The following IFT57 variants were observed in gnomAD, a reference collection of about 807,000 sequenced individuals.
IFT57 encodes intraflagellar transport 57, also known as intraflagellar transport protein 57 homolog.
IFT57 carries 59 observed loss-of-function variants against 56.8 expected under a neutral mutation model. That is an observed-to-expected ratio of 1.04 (90% CI 0.84 to 1.29). The LOEUF is 1.29. IFT57 is among the 50% of genes most tolerant of loss of function. The pLI is 0.00. For missense variants in IFT57, 470 were observed against 522.1 expected (o/e 0.90, Z 0.97); for synonymous variants, 209 against 186.1 (o/e 1.12, Z -1.00).
At chr3:108,165,377 A>G (rs550981519) in intron 9 of IFT57, 54 bp downstream of exon 9, 5 of 1,452,062 alleles carry the variant, frequency 3.4e-6, no homozygotes, top group Admixed American at 1.7e-5. Flanking sequence ...TAGGTTCTCA[A>G]TGGCTGGGGC....
chr3:108,213,572 G>A (rs1025979875), intron 4 of IFT57, among the ~76,000 whole-genome samples: 6 of 152,122 alleles, frequency 3.9e-5, no homozygotes, highest in Non-Finnish European at 7.4e-5. Context: ...AATGGTATGC[G>A]TATAAAGCAG....
rs142462056 is a variant in IFT57, at chr3:108,171,657, T to C, written c.778-3793A>G. Among the ~76,000 whole-genome samples the C allele has an allele frequency of 4.6e-3, 706 of 151,832 alleles. 3 individuals are homozygous for C. The highest frequency in any genetic ancestry group is 0.016 in the African/African-American group (669 of 41,434). ...CCAAGTCAGCTAATCAACACTGGAATAGAGAGGAGGGACAACTGGCTGGCC... is the reference window on the plus strand; with the variant it reads ...CCAAGTCAGCTAATCAACACTGGAACAGAGAGGAGGGACAACTGGCTGGCC... On this transcript the variant is annotated intron_variant, in intron 6 of 10. Transcript: ENST00000264538.
chr3:108,217,180 AC>A (rs2080377725), intron 3 of IFT57, among the ~76,000 whole-genome samples: 1 of 152,184 alleles, frequency 6.6e-6, no homozygotes, highest in Non-Finnish European at 1.5e-5. Flanking sequence ...TATATTGTAC[AC>A]ATGTATCGAA....
chr3:108,162,208 C>T lies in IFT57; in HGVS notation c.*269G>A. 3.4e-6 allele frequency: 1 copy of T among 291,644 alleles called. No individual in the cohort carries two copies. Among genetic ancestry groups the T allele is most frequent in the Non-Finnish European group, 6.5e-6 (1 of 154,842 alleles). The allele number at this position is 291,644 out of a possible 1,614,324, so 18.1% of individuals were successfully genotyped here. A position where few individuals can be genotyped will look rare whatever the true frequency, so the allele number is the denominator to read the frequency against. On this transcript the variant is annotated 3_prime_UTR_variant, in exon 11 of 11. Transcript: ENST00000264538. ...TATACCTTGGCTTACACAAGGAATG[C>T]TATGAAAAATGAGCCACCAGGTGGG...
At chr3:108,218,845 C>T (rs1390924450) in intron 2 of IFT57, among the ~76,000 whole-genome samples, 192 bp from the exon 3 acceptor site, 5 of 152,084 alleles carry the variant, frequency 3.3e-5, no homozygotes, top group Non-Finnish European at 7.4e-5. Flanking sequence ...TACTCAAAGA[C>T]TTTTATTGTT....
chr3:108,216,870 C>T (rs944126395), intron 3 of IFT57, among the ~76,000 whole-genome samples: 5 of 151,904 alleles, frequency 3.3e-5, no homozygotes, highest in African/African-American at 9.7e-5. Flanking sequence ...AAGCCAGGCA[C>T]AGAAAGACAA....
intron 5 of IFT57, among the ~76,000 whole-genome samples, chr3:108,199,331 T>C (rs1257765826): frequency 6.6e-6 from 1 of 152,206 alleles, no homozygotes; most frequent in African/African-American, 2.4e-5. Flanking sequence ...CAAGTATGTT[T>C]TAATGCAATA....
intron 4 of IFT57, among the ~76,000 whole-genome samples, chr3:108,212,097 C>A (rs1212881362): frequency 6.6e-6 from 1 of 152,174 alleles, no homozygotes; most frequent in East Asian, 1.9e-4. Flanking sequence ...ATCTTCCCAC[C>A]TCAGCCTCCT....
intron 5 of IFT57, among the ~76,000 whole-genome samples, chr3:108,204,254 G>A (rs2080297080): frequency 6.6e-6 from 1 of 151,990 alleles, no homozygotes. Context: ...ACAAACACCT[G>A]GTGTTCACTC....
chr3:108,169,330 G>C (rs1293758099), intron 6 of IFT57, among the ~76,000 whole-genome samples: 1 of 151,620 alleles, frequency 6.6e-6, no homozygotes, highest in African/African-American at 2.4e-5. Context: ...CCCACTTTTT[G>C]ATGGGTTTTT....
Position 108,181,117 on chromosome 3 carries a change from G to A in IFT57, c.777+10404C>T, listed in dbSNP as rs9828693. 4.7e-3 allele frequency among the ~76,000 whole-genome samples: 707 copies of A among 151,996 alleles called. 3 individuals carry two copies. Among genetic ancestry groups the A allele is most frequent in the African/African-American group, 0.016 (669 of 41,500 alleles). On this transcript the variant is annotated intron_variant, in intron 6 of 10. Transcript: ENST00000264538. ...TCTCTTATTTCAACTTGTGATAAAC[G>A]GAACCTTTCTCTGATCCAGTTGAAA...
chr3:108,211,629 CT>C (rs1441302666), intron 4 of IFT57, among the ~76,000 whole-genome samples: 3 of 152,234 alleles, frequency 2.0e-5, no homozygotes, highest in Non-Finnish European at 4.4e-5. Flanking sequence ...ATGAATATAT[CT>C]TTGTCTTGAC....
chr3:108,206,637 T>C lies in IFT57; in HGVS notation c.645A>G (p.Thr215=), dbSNP rs764840317. Residue 215 remains threonine, a synonymous_variant, in exon 5 of 11, where the codon ACA becomes ACG. Transcript: ENST00000264538. ...ATCTGATGAAACTTACCAAGTGATA[T>C]GTCTGGGCCTTTAAAACGTTGAGAT... ...FIDLNVLKAQ[T]YHLDMNETAK... is the part of the protein sequence containing the mutation. 15 of 1,368,120 alleles carry C rather than the reference T, an allele frequency of 1.1e-5. No homozygotes were observed. Among genetic ancestry groups the C allele is most frequent in the African/African-American group, 1.5e-5 (1 of 68,406 alleles). The allele number at this position is 1,368,120 out of a possible 1,614,324, so 84.7% of individuals were successfully genotyped here. A position where few individuals can be genotyped will look rare whatever the true frequency, so the allele number is the denominator to read the frequency against.
chr3:108,222,027 C>T, intron 1 of IFT57, 84 bp downstream of exon 1: 1 of 1,530,846 alleles, frequency 6.5e-7, no homozygotes, highest in Admixed American at 2.1e-5. Context: ...CCCGCTCTCA[C>T]GAAACTGGTT....
chr3:108,218,583 T>C lies in IFT57; in HGVS notation c.446A>G (p.Asp149Gly). 6.4e-7 allele frequency: 1 copy of C among 1,569,266 alleles called. No individual in the cohort carries two copies. Among genetic ancestry groups the C allele is most frequent in the Non-Finnish European group, 8.6e-7 (1 of 1,161,118 alleles). Reference protein sequence around the residue: ...GYGEHVCYVLDCFAEEALKYI... With the variant: ...GYGEHVCYVLGCFAEEALKYI... ...TTTCAATGCTTCTTCAGCGAAGCAA[T>C]CAAGAACATAGCATACATGTTCTCC... The change falls in exon 3 of 11, where the codon GAT becomes GGT. Residue 149 changes from aspartate (D) to glycine (G), a missense_variant. By Grantham distance (94) the Asp-to-Gly change is moderately conservative. Coordinates refer to ENST00000264538, the MANE Select transcript of IFT57 (RefSeq NM_018010.4).
Position 108,166,464 on chromosome 3 carries a change from A to G in IFT57, c.981+390T>C, listed in dbSNP as rs981193476. Among the ~76,000 whole-genome samples the G allele has an allele frequency of 4.2e-5, 5 of 118,768 alleles. 1 individual carries two copies. The highest frequency in any genetic ancestry group is 1.8e-4 in the Admixed American group (2 of 11,398). 77.9% of individuals were successfully genotyped at this position (118,768 alleles called of 152,430 possible). On this transcript the variant is annotated intron_variant, in intron 8 of 10. Transcript: ENST00000264538. The stretch of plus-strand genomic sequence containing the variant: ...GTGGTTGTAAGCCAGAATGGCAAGG[A>G]CTGTCTTTTTCCTTTGACACATGTA...
At chr3:108,170,172 T>G (rs373561770) in intron 6 of IFT57, among the ~76,000 whole-genome samples, 8 of 152,052 alleles carry the variant, frequency 5.3e-5, no homozygotes, top group African/African-American at 1.4e-4. Flanking sequence ...TAGAAAGAAA[T>G]AAAGGGTATT....
At chr3:108,179,799 AT>A (rs1223629029) in intron 6 of IFT57, among the ~76,000 whole-genome samples, 1 of 151,820 alleles carries the variant, frequency 6.6e-6, no homozygotes, top group Admixed American at 6.6e-5. Flanking sequence ...TAAATCTGAC[AT>A]TTTTTTCTTC....
At chr3:108,183,021 A>G (rs326327) in intron 6 of IFT57, among the ~76,000 whole-genome samples, 69,045 of 152,018 alleles carry the variant, frequency 0.45, 16,133 homozygotes, top group Middle Eastern at 0.55. Context: ...TTAAATCACT[A>G]TAACACACAA....
Sources: gnomAD v4.1 joint callset for allele counts (sites outside exome capture counted in the v4.1 genomes callset) on GRCh38, gnomAD v4.1.1 for gene constraint, MANE v1.5 for transcripts, NCBI Gene and HGNC (gene_info 2026-07-23, HGNC 2026-07-21) for gene names.